BRINP1: variants seen among roughly 807,000 people sequenced by gnomAD.
BRINP1 encodes BMP/retinoic acid inducible neural specific 1, also known as BMP/retinoic acid-inducible neural-specific protein 1.
A neutral mutation model predicts 72.9 loss-of-function variants in BRINP1; 17 were observed. The ratio of observed to expected loss-of-function variants is 0.23; its 90% confidence interval spans 0.16 to 0.35. The LOEUF is 0.35. Ranked by LOEUF, BRINP1 falls within the 10% of genes least tolerant of loss-of-function variation. BRINP1 has a pLI of 1.00. For synonymous variants in BRINP1, 418 were observed against 378.5 expected (o/e 1.10, Z -1.21); for missense variants, 850 against 1,001.6 (o/e 0.85, Z 2.04).
At chr9:119,202,900 CT>C (rs1468410537) in intron 7 of BRINP1, among the ~76,000 whole-genome samples, 2 of 152,122 alleles carry the variant, frequency 1.3e-5, no homozygotes, top group Non-Finnish European at 2.9e-5. Flanking sequence ...ACATAGTAAG[CT>C]TTCAGGAAAT....
intron 7 of BRINP1, among the ~76,000 whole-genome samples, chr9:119,201,822 T>C (rs147214680): frequency 3.3e-5 from 5 of 152,350 alleles, no homozygotes; most frequent in Non-Finnish European, 5.9e-5. Flanking sequence ...ATTTATGTAA[T>C]TGCACAGGAA....
chr9:119,257,014 G>A (rs993260581), intron 2 of BRINP1, among the ~76,000 whole-genome samples: 8 of 152,088 alleles, frequency 5.3e-5, no homozygotes, highest in African/African-American at 1.7e-4. Flanking sequence ...ATGAAGTTTG[G>A]GTTAAAATAG....
At chr9:119,216,789 G>A (rs750976286) in intron 5 of BRINP1, among the ~76,000 whole-genome samples, 10 of 152,156 alleles carry the variant, frequency 6.6e-5, no homozygotes, top group Non-Finnish European at 1.2e-4. Context: ...AATTTGGGGA[G>A]AGCATTTATA....
intron 7 of BRINP1, among the ~76,000 whole-genome samples, chr9:119,194,733 C>A (rs943651668): frequency 1.3e-5 from 2 of 152,178 alleles, no homozygotes; most frequent in Admixed American, 6.6e-5. Flanking sequence ...CCACAAGAAA[C>A]TGAATTCTGC....
chr9:119,269,094 C>G (rs1200220722), intron 2 of BRINP1, among the ~76,000 whole-genome samples: 1 of 152,216 alleles, frequency 6.6e-6, no homozygotes, highest in African/African-American at 2.4e-5. Flanking sequence ...CACAGGCTTC[C>G]TGTTAGAGAT....
chr9:119,215,146 C>A (rs1258003579), intron 5 of BRINP1, among the ~76,000 whole-genome samples: 1 of 152,152 alleles, frequency 6.6e-6, no homozygotes, highest in Non-Finnish European at 1.5e-5. Context: ...CTCTTCTTTG[C>A]TCTAACAGTG....
chr9:119,234,289 G>A (rs1403247491), intron 5 of BRINP1, among the ~76,000 whole-genome samples: 1 of 152,106 alleles, frequency 6.6e-6, no homozygotes, highest in African/African-American at 2.4e-5. Flanking sequence ...GATATTGTCA[G>A]TCTTTTTGAT....
chr9:119,257,610 G>T (rs1318624937), intron 2 of BRINP1, among the ~76,000 whole-genome samples: 1 of 152,208 alleles, frequency 6.6e-6, no homozygotes, highest in Non-Finnish European at 1.5e-5. Flanking sequence ...AAGCTTCTGA[G>T]TATCGGGGTG....
chr9:119,363,116 T>A (rs1229533580), intron 1 of BRINP1, among the ~76,000 whole-genome samples: 1 of 152,212 alleles, frequency 6.6e-6, no homozygotes, highest in Non-Finnish European at 1.5e-5. Flanking sequence ...GTTTTGTTTT[T>A]TGAAACAGGG....
intron 7 of BRINP1, among the ~76,000 whole-genome samples, chr9:119,168,911 G>A (rs1395889502): frequency 6.6e-6 from 1 of 152,162 alleles, no homozygotes; most frequent in East Asian, 1.9e-4. Flanking sequence ...AACCATTGTG[G>A]AAGACAGTGT....
chr9:119,328,356 C>G (rs757428976), intron 1 of BRINP1, among the ~76,000 whole-genome samples: 14 of 152,164 alleles, frequency 9.2e-5, no homozygotes, highest in Non-Finnish European at 1.9e-4. Flanking sequence ...AATGGAGACA[C>G]AGAGTATACA....
At chr9:119,175,848 C>T (rs1393574953) in intron 7 of BRINP1, among the ~76,000 whole-genome samples, 1 of 152,112 alleles carries the variant, frequency 6.6e-6, no homozygotes, top group Admixed American at 6.5e-5. Flanking sequence ...TTACCCTGCA[C>T]AGGGTATATT....
rs573722601 is a variant in BRINP1, at chr9:119,230,239, C to T, written c.685+8416G>A. 3.3e-5 allele frequency among the ~76,000 whole-genome samples: 5 copies of T among 152,182 alleles called. No homozygotes were observed. The East Asian group carries it at 9.7e-4, about 29-fold the overall frequency. On this transcript the variant is annotated intron_variant, in intron 5 of 7. Transcript: ENST00000265922. ...GTTGGGTGATAGCATAAGGCAAAGCCAAGAAGATTGGCAAGGCTTGCATTT... is the reference window on the plus strand; with the variant it reads ...GTTGGGTGATAGCATAAGGCAAAGCTAAGAAGATTGGCAAGGCTTGCATTT...
intron 5 of BRINP1, among the ~76,000 whole-genome samples, chr9:119,224,435 G>A (rs1830071523): frequency 6.6e-6 from 1 of 151,976 alleles, no homozygotes; most frequent in Admixed American, 6.6e-5. Context: ...CACCTCTTTA[G>A]ACTCATAATA....
Position 119,350,286 on chromosome 9 carries a change from G to A in BRINP1, c.-51+18770C>T, listed in dbSNP as rs528376723. 2.0e-4 allele frequency among the ~76,000 whole-genome samples: 31 copies of A among 152,242 alleles called. No individual in the cohort carries two copies. In the South Asian group the frequency reaches 4.2e-3, roughly 20 times the overall value. ...AAACACTCAAGTCAGAGCCCTACCC[G>A]AGAAAATCTGACTTATTGGGTCTGG... On this transcript the variant is annotated intron_variant, in intron 1 of 7. Coordinates refer to ENST00000265922, the MANE Select transcript of BRINP1 (RefSeq NM_014618.3).
chr9:119,338,394 C>T (rs1008190268), intron 1 of BRINP1, among the ~76,000 whole-genome samples: 6 of 151,642 alleles, frequency 4.0e-5, no homozygotes, highest in Admixed American at 3.9e-4. Flanking sequence ...CTACTCTTAA[C>T]CCCTAACAAT....
At chr9:119,198,473 T>C (rs7030047) in intron 7 of BRINP1, among the ~76,000 whole-genome samples, 1,673 of 152,306 alleles carry the variant, frequency 0.011, 26 homozygotes, top group African/African-American at 0.038. Flanking sequence ...CACTTTGGTC[T>C]GTCAGACTAG....
intron 2 of BRINP1, among the ~76,000 whole-genome samples, chr9:119,283,440 A>T (rs1042182441): frequency 6.6e-6 from 1 of 152,218 alleles, no homozygotes; most frequent in African/African-American, 2.4e-5. Context: ...TCACTAAAAT[A>T]CTTGCCACTT....
At chr9:119,176,178 C>A (rs1829486926) in intron 7 of BRINP1, among the ~76,000 whole-genome samples, 1 of 151,636 alleles carries the variant, frequency 6.6e-6, no homozygotes, top group South Asian at 2.1e-4. Context: ...TGCTCAGAGT[C>A]AAACAAACAA....
Sources: allele counts gnomAD v4.1 joint callset (sites outside exome capture counted in the v4.1 genomes callset), GRCh38; gene constraint gnomAD v4.1.1; transcripts MANE v1.5; gene names NCBI Gene and HGNC (gene_info 2026-07-23, HGNC 2026-07-21).